Variants in GFAP observed in about 807,000 individuals in gnomAD.
GFAP encodes the protein glial fibrillary acidic protein.
A neutral mutation model predicts 49.3 loss-of-function variants in GFAP; 38 were observed. That is an observed-to-expected ratio of 0.77 (90% CI 0.60 to 1.01). The LOEUF is 1.01. GFAP is among the 50% of genes least tolerant of loss of function. The pLI is 0.00. For synonymous variants in GFAP, 222 were observed against 236.4 expected (o/e 0.94, Z 0.56); for missense variants, 463 against 579.1 (o/e 0.80, Z 2.06).
rs1333898122 is a variant in GFAP at position 44,907,058 on chromosome 17, T to G, written c.*289A>C. ...CCCCGCCCTCCTCCCCTTCTCTCCT[T>G]CCTCCTCATTCTAACGCAAGCTGCT... is the stretch of plus-strand genomic sequence containing the variant. On this transcript the variant is annotated 3_prime_UTR_variant, in exon 9 of 9. Transcript: ENST00000588735. 3.7e-6 allele frequency: 2 copies of G among 536,492 alleles called. No individual in the cohort carries two copies. The highest frequency in any genetic ancestry group is 1.9e-5 in the African/African-American group (1 of 52,554). The allele number at this position is 536,492 out of a possible 1,614,324, so 33.2% of individuals were successfully genotyped here.
Position 44,905,242 on chromosome 17 carries a change from T to G in GFAP, c.*2105A>C, listed in dbSNP as rs2051637207. ...CAGGTCTGGGACCTGATCTGAGAAGTGGAGGGGCCTGAGGCTGGTGGGAGA... is the reference window on the plus strand; with the variant it reads ...CAGGTCTGGGACCTGATCTGAGAAGGGGAGGGGCCTGAGGCTGGTGGGAGA... On this transcript the variant is annotated 3_prime_UTR_variant, in exon 9 of 9. Transcript: ENST00000588735. 1 of 615,726 alleles carries G rather than the reference T, an allele frequency of 1.6e-6. No homozygotes were observed. The highest frequency in any genetic ancestry group is 2.1e-5 in the South Asian group (1 of 48,188). The allele number at this position is 615,726 out of a possible 1,614,324, so 38.1% of individuals were successfully genotyped here.
Position 44,903,179 on chromosome 17 carries a change from C to A in GFAP, c.*4168G>T, listed in dbSNP as rs944861468. ...ACTCATAAAAGGGAAAAAGCAAAATCTTTATGGTAAACAAACACTGATCTC... is the reference window on the plus strand; with the variant it reads ...ACTCATAAAAGGGAAAAAGCAAAATATTTATGGTAAACAAACACTGATCTC... On this transcript the variant is annotated 3_prime_UTR_variant, in exon 9 of 9. Coordinates refer to ENST00000588735, the MANE Select transcript of GFAP (RefSeq NM_002055.5). The A allele has an allele frequency of 3.2e-6, 4 of 1,266,970 alleles. No individual in the cohort carries two copies. The East Asian group carries it at 8.7e-5, about 28-fold the overall frequency. 78.5% of individuals were successfully genotyped at this position (1,266,970 alleles called of 1,614,324 possible).
At position 44,906,002 on chromosome 17, in the gene GFAP, A is replaced by G. The variant is rs2051647752; in HGVS notation, c.*1345T>C. ...ACAATTGTAAAATAGGGCACTACCT[A>G]GAATACTGGGTACATTTTGTGTGTG... On this transcript the variant is annotated 3_prime_UTR_variant, in exon 9 of 9. Coordinates refer to ENST00000588735, the MANE Select transcript of GFAP (RefSeq NM_002055.5). 6.6e-6 allele frequency: 1 copy of G among 152,272 alleles called. No homozygotes were observed. Among genetic ancestry groups the G allele is most frequent in the Non-Finnish European group, 1.5e-5 (1 of 68,072 alleles). The allele number at this position is 152,272 out of a possible 1,614,324, so 9.4% of individuals were successfully genotyped here.
intron 4 of GFAP, 38 bp from the exon 5 acceptor site, chr17:44,911,835 A>G: frequency 6.3e-7 from 1 of 1,596,142 alleles, no homozygotes; most frequent in Non-Finnish European, 8.6e-7. Flanking sequence ...GTGTGGGCCC[A>G]TGGGCAGGCA....
Position 44,910,160 on chromosome 17 carries a change from A to T in GFAP, c.1171+455T>A, listed in dbSNP as rs764143564. The T allele has an allele frequency of 3.1e-6, 5 of 1,613,792 alleles. No individual in the cohort carries two copies. In the East Asian group the frequency reaches 6.7e-5, roughly 22 times the overall value. ...GCTAACCGCGAGCCGGCGGCGTTCCATTTACAATCTGGTGAGCCTGTATTG... is the reference window on the plus strand; with the variant it reads ...GCTAACCGCGAGCCGGCGGCGTTCCTTTTACAATCTGGTGAGCCTGTATTG... On this transcript the variant is annotated intron_variant, in intron 7 of 8. Transcript: ENST00000588735.
chr17:44,903,474 A>G lies in GFAP; in HGVS notation c.*3873T>C. On this transcript the variant is annotated 3_prime_UTR_variant, in exon 9 of 9. Coordinates refer to ENST00000588735, the MANE Select transcript of GFAP (RefSeq NM_002055.5). The stretch of plus-strand genomic sequence containing the variant: ...TGGCAGGGCAGGGCCTGGAGCACTG[A>G]GGCAGAGATCTCCCTGCCCGAGCAC... 1 of 1,270,152 alleles carries G rather than the reference A, an allele frequency of 7.9e-7. No individual in the cohort carries two copies. The highest frequency in any genetic ancestry group is 9.9e-7 in the Non-Finnish European group (1 of 1,010,906). 78.7% of individuals were successfully genotyped at this position (1,270,152 alleles called of 1,614,324 possible).
rs1035546777 is a variant in GFAP, at chr17:44,910,476, C to T, written c.1171+139G>A. On this transcript the variant is annotated intron_variant, in intron 7 of 8. Coordinates refer to ENST00000588735, the MANE Select transcript of GFAP (RefSeq NM_002055.5). ...TGGTATGATAGGCTCTGGCTAGGAG[C>T]GCTGCAGTGTCACGAAGGCCCCCAG... The T allele has an allele frequency of 8.4e-6, 13 of 1,555,654 alleles. No homozygotes were observed. The highest frequency in any genetic ancestry group is 3.5e-5 in the South Asian group (3 of 85,494).
chr17:44,904,503 C>T lies in GFAP; in HGVS notation c.*2844G>A. Reference sequence around the variant, plus strand: ...AGGGCTGTGCCAAGGAAGCTGCGGACCAAGGCCAGGGACCACACGCCTGAG... The same window carrying T: ...AGGGCTGTGCCAAGGAAGCTGCGGATCAAGGCCAGGGACCACACGCCTGAG... On this transcript the variant is annotated 3_prime_UTR_variant, in exon 9 of 9. Coordinates refer to ENST00000588735, the MANE Select transcript of GFAP (RefSeq NM_002055.5). The T allele has an allele frequency of 6.5e-7, 1 of 1,549,384 alleles. No homozygotes were observed. Among genetic ancestry groups the T allele is most frequent in the Non-Finnish European group, 8.7e-7 (1 of 1,146,236 alleles).
chr17:44,908,606 A>G (rs2051691543), intron 7 of GFAP: 1 of 154,368 alleles, frequency 6.5e-6, no homozygotes, highest in South Asian at 2.0e-4. Flanking sequence ...CACACCTGTA[A>G]TCCCAGCACT....
Position 44,913,340 on chromosome 17 carries a change from C to T in GFAP, c.709G>A (p.Glu237Lys), listed in dbSNP as rs891262398. 1.2e-6 allele frequency: 2 copies of T among 1,614,090 alleles called. No individual in the cohort carries two copies. The highest frequency in any genetic ancestry group is 1.7e-6 in the Non-Finnish European group (2 of 1,180,044). ...AKPDLTAALKEIRTQYEAMAS... is the reference protein window; with the variant it reads ...AKPDLTAALKKIRTQYEAMAS... ...ATTGCCTCATACTGCGTGCGGATCT[C>T]TTTCAGGGCTGCGGTGAGGTCTGGC... Residue 237 changes from glutamate (E) to lysine (K), a missense_variant, in exon 4 of 9, where the codon GAG becomes AAG. Glu to Lys is a moderately conservative substitution (Grantham distance 56, BLOSUM62 1). Transcript: ENST00000588735.
At position 44,915,479 on chromosome 17, in the gene GFAP, C is replaced by G. The variant is rs1250081721; in HGVS notation, c.8G>C (p.Arg3Thr). Residue 3 changes from arginine to threonine, a missense_variant, in exon 1 of 9, where the codon AGG (arginine) becomes ACG (threonine). Arg to Thr is a moderately conservative substitution (Grantham distance 71, BLOSUM62 -1). Coordinates refer to ENST00000588735, the MANE Select transcript of GFAP (RefSeq NM_002055.5). The surrounding 1 kb of genome is among the most constrained non-coding windows in gnomAD (Gnocchi z 4.1). ...GCGAGCAGCGGAGGTGATGCGTCTC[C>G]TCTCCATCCTGCTCTGGCTCTGCTC... ME[R>T]RRITSAARRS... The G allele has an allele frequency of 6.3e-7, 1 of 1,576,966 alleles. No individual in the cohort carries two copies. Among genetic ancestry groups the G allele is most frequent in the Admixed American group, 1.8e-5 (1 of 54,740 alleles).
In GFAP at chr17:44,908,329, T is replaced by C. The variant is rs1351439443; in HGVS notation, c.1172-180A>G. ...GAGAGCCCCCAAATCCCAATAGTGC[T>C]GCTGCCAGAGTCCTGGCTGCTCTGT... On this transcript the variant is annotated intron_variant, in intron 7 of 8. Transcript: ENST00000588735. 4 of 579,276 alleles carry C rather than the reference T, an allele frequency of 6.9e-6. No individual in the cohort carries two copies. The Admixed American group carries it at 1.2e-4, about 18-fold the overall frequency. The allele number at this position is 579,276 out of a possible 1,614,324, so 35.9% of individuals were successfully genotyped here.
At position 44,906,986 on chromosome 17, in the gene GFAP, C is replaced by T. The variant is rs2051661430; in HGVS notation, c.*361G>A. ...GAACCTCCATCTCTGGCAACAGTTT[C>T]CATAACAACAGGAATCAGGGATGTG... On this transcript the variant is annotated 3_prime_UTR_variant, in exon 9 of 9. Coordinates refer to ENST00000588735, the MANE Select transcript of GFAP (RefSeq NM_002055.5). 2.8e-6 allele frequency: 1 copy of T among 357,740 alleles called. No individual in the cohort carries two copies. Among genetic ancestry groups the T allele is most frequent in the African/African-American group, 2.1e-5 (1 of 48,280 alleles). 22.2% of individuals were successfully genotyped at this position (357,740 alleles called of 1,614,324 possible). A position where few individuals can be genotyped will look rare whatever the true frequency, so the allele number is the denominator to read the frequency against.
rs1284147646 is a variant in GFAP, at chr17:44,906,015, C to T, written c.*1332G>A. On this transcript the variant is annotated 3_prime_UTR_variant, in exon 9 of 9. Transcript: ENST00000588735. ...AGGGCACTACCTAGAATACTGGGTA[C>T]ATTTTGTGTGTGAGTAAGAAGGGAC... The T allele has an allele frequency of 6.6e-6, 1 of 152,162 alleles. No individual in the cohort carries two copies. Among genetic ancestry groups the T allele is most frequent in the Non-Finnish European group, 1.5e-5 (1 of 68,044 alleles). The allele number at this position is 152,162 out of a possible 1,614,324, so 9.4% of individuals were successfully genotyped here.
At chr17:44,907,716 C>A (rs1014233910) in intron 8 of GFAP, 18 of 555,128 alleles carry the variant, frequency 3.2e-5, no homozygotes, top group Non-Finnish European at 5.5e-5. Context: ...GGAAAGCCCT[C>A]CCCATCCCCA....
intron 8 of GFAP, 196 bp from the exon 9 acceptor site, chr17:44,907,584 G>A: frequency 1.5e-6 from 1 of 650,448 alleles, no homozygotes. Flanking sequence ...TTAGCGTCAT[G>A]CCTGGCGAGT....
In GFAP at chr17:44,904,462, G is replaced by C. The variant is rs968307242; in HGVS notation, c.*2885C>G. On this transcript the variant is annotated 3_prime_UTR_variant, in exon 9 of 9. Coordinates refer to ENST00000588735, the MANE Select transcript of GFAP (RefSeq NM_002055.5). Reference sequence around the variant, plus strand: ...GCTACCTCAAGGCCGTGCCCGATGTGGTGTCTTGTGGCTCAAGGGCTGTGC... The same window carrying C: ...GCTACCTCAAGGCCGTGCCCGATGTCGTGTCTTGTGGCTCAAGGGCTGTGC... 12 of 1,544,654 alleles carry C rather than the reference G, an allele frequency of 7.8e-6. No individual in the cohort carries two copies. The African/African-American group carries it at 1.4e-4, about 18-fold the overall frequency.
intron 1 of GFAP, chr17:44,914,739 A>C: frequency 2.0e-6 from 1 of 495,546 alleles, no homozygotes. Flanking sequence ...CCAGCCATGA[A>C]TGAAACACAG....
In GFAP at chr17:44,911,330, G is replaced by A. The variant is rs748482606; in HGVS notation, c.1033C>T (p.His345Tyr). The A allele has an allele frequency of 6.2e-7, 1 of 1,614,210 alleles. No individual in the cohort carries two copies. The highest frequency in any genetic ancestry group is 8.5e-7 in the Non-Finnish European group (1 of 1,180,022). ...GQSLKDEMAR[H>Y]LQEYQDLLNV... The stretch of plus-strand genomic sequence containing the variant: ...AGCAGGTCCTGGTACTCCTGCAAGT[G>A]GCGGGCCATCTCGTCCTTGAGGCTC... Residue 345 changes from histidine to tyrosine, a missense_variant, in exon 6 of 9, where the codon CAC becomes TAC. By Grantham distance (83) the His-to-Tyr change is moderately conservative. This residue lies in a region of GFAP where 362 missense variants were observed against 445.5 expected (regional missense o/e 0.81). Transcript: ENST00000588735.
Sources: allele counts gnomAD v4.1 joint callset, GRCh38; gene constraint gnomAD v4.1.1; regional missense constraint gnomAD v4.1.1; non-coding constraint Gnocchi (gnomAD v3.1); transcripts MANE v1.5; gene names NCBI Gene and HGNC (gene_info 2026-07-23, HGNC 2026-07-21).